The following GRID2 variants were observed in gnomAD, a reference collection of about 807,000 sequenced individuals.
GRID2 encodes the protein glutamate ionotropic receptor delta type subunit 2.
Under a neutral mutation model 114.8 loss-of-function variants are expected in GRID2, and 33 were observed. The ratio of observed to expected loss-of-function variants is 0.29; its 90% confidence interval spans 0.22 to 0.38. The LOEUF (loss-of-function observed/expected upper bound fraction) is 0.38. Among genes scored for constraint, GRID2 ranks in the 10% least tolerant of loss-of-function variants. GRID2 has a pLI of 1.00. For synonymous variants in GRID2, 505 were observed against 449.9 expected, an observed-to-expected ratio of 1.12 and a Z score of -1.55; for missense variants, 1,184 against 1,257.7, an observed-to-expected ratio of 0.94 and a Z score of 0.89.
intron 10 of GRID2, among the ~76,000 whole-genome samples, chr4:93,440,688 C>T (rs1031965044): frequency 2.6e-5 from 4 of 151,994 alleles, no homozygotes; most frequent in African/African-American, 9.6e-5. Context: ...GATTTTAACA[C>T]TAATGAAGGA....
intron 8 of GRID2, among the ~76,000 whole-genome samples, chr4:93,369,927 G>A (rs1257068293): frequency 6.6e-6 from 1 of 152,142 alleles, no homozygotes; most frequent in East Asian, 1.9e-4. Flanking sequence ...TTGAAAATGT[G>A]ATTAATTATT....
At chr4:93,145,468 TTTA>T (rs1433781447) in intron 4 of GRID2, among the ~76,000 whole-genome samples, 14 of 93,890 alleles carry the variant, frequency 1.5e-4, no homozygotes, top group East Asian at 3.1e-4. Flanking sequence ...TATTTATTTA[TTTA>T]TTTTTTTTTG....
chr4:93,392,802 A>G (rs1241385670), intron 8 of GRID2, among the ~76,000 whole-genome samples: 1 of 152,090 alleles, frequency 6.6e-6, no homozygotes, highest in Non-Finnish European at 1.5e-5. Flanking sequence ...TTATAAAACA[A>G]CACCTCAATG....
chr4:93,173,070 A>G (rs1739005440), intron 4 of GRID2, among the ~76,000 whole-genome samples: 1 of 152,132 alleles, frequency 6.6e-6, no homozygotes, highest in African/African-American at 2.4e-5. Context: ...GCTATATTGA[A>G]GAGTTAGAAG....
chr4:92,886,068 C>G (rs182960147), intron 2 of GRID2, among the ~76,000 whole-genome samples: 18 of 152,040 alleles, frequency 1.2e-4, no homozygotes, highest in Admixed American at 3.3e-4. Context: ...TGTGGACTTG[C>G]AATTGCAATT....
chr4:93,105,461 A>T, intron 3 of GRID2, among the ~76,000 whole-genome samples: 1 of 152,104 alleles, frequency 6.6e-6, no homozygotes, highest in East Asian at 1.9e-4. Context: ...TAAGTCTTTA[A>T]TCCATCTTGA....
At chr4:92,976,932 T>C (rs1048474091) in intron 2 of GRID2, among the ~76,000 whole-genome samples, 6 of 152,164 alleles carry the variant, frequency 3.9e-5, no homozygotes, top group Non-Finnish European at 8.8e-5. Context: ...ACTTTACTCA[T>C]GAAGAAACTG....
At chr4:93,608,747 T>C (rs1234022243) in intron 13 of GRID2, among the ~76,000 whole-genome samples, 1 of 137,704 alleles carries the variant, frequency 7.3e-6, no homozygotes, top group East Asian at 2.0e-4. Flanking sequence ...GTCTTTGCTA[T>C]TGTGAACAGT....
At chr4:92,403,355 T>C (rs1459695287) in intron 1 of GRID2, among the ~76,000 whole-genome samples, 1 of 152,264 alleles carries the variant, frequency 6.6e-6, no homozygotes, top group Non-Finnish European at 1.5e-5. Context: ...ATCTCAACTT[T>C]TGAAGTTCCT....
chr4:92,770,822 C>A (rs1276798276), intron 2 of GRID2, among the ~76,000 whole-genome samples: 1 of 152,160 alleles, frequency 6.6e-6, no homozygotes, highest in East Asian at 1.9e-4. Context: ...AGTTACAACT[C>A]AAGATAAGAT....
intron 2 of GRID2, among the ~76,000 whole-genome samples, chr4:92,763,486 T>C (rs147994739): frequency 1.4e-3 from 206 of 152,282 alleles, no homozygotes; most frequent in African/African-American, 4.2e-3. Flanking sequence ...ACAATACACA[T>C]TTAAAAATAT....
intron 2 of GRID2, among the ~76,000 whole-genome samples, chr4:92,623,066 C>G (rs1730349245): frequency 6.6e-6 from 1 of 151,480 alleles, no homozygotes; most frequent in South Asian, 2.1e-4. Flanking sequence ...ATATTTAAAT[C>G]AACTTTAAAT....
intron 8 of GRID2, among the ~76,000 whole-genome samples, chr4:93,341,472 G>A (rs569217934): frequency 3.1e-4 from 47 of 152,122 alleles, no homozygotes; most frequent in African/African-American, 9.4e-4. Context: ...ACAGGTGCCC[G>A]CCACCACGCC....
intron 2 of GRID2, among the ~76,000 whole-genome samples, chr4:92,730,938 A>C (rs918963133): frequency 6.6e-6 from 1 of 151,996 alleles, no homozygotes; most frequent in Non-Finnish European, 1.5e-5. Flanking sequence ...ACAAAAATAG[A>C]ATTACAGCAT....
At chr4:92,628,645 A>G (rs2149244292) in intron 2 of GRID2, among the ~76,000 whole-genome samples, 1 of 152,312 alleles carries the variant, frequency 6.6e-6, no homozygotes, top group South Asian at 2.1e-4. Context: ...GGCGTGAGCC[A>G]TAGCGCCAGG....
intron 14 of GRID2, among the ~76,000 whole-genome samples, chr4:93,649,257 G>A (rs10516933): frequency 0.18 from 27,055 of 152,028 alleles, 2,763 homozygotes; most frequent in Middle Eastern, 0.35. Flanking sequence ...TTGGCCTAAT[G>A]TCTCAAACAG....
At chr4:93,763,978 CA>C (rs1294522377) in intron 14 of GRID2, among the ~76,000 whole-genome samples, 1 of 152,116 alleles carries the variant, frequency 6.6e-6, no homozygotes, top group Non-Finnish European at 1.5e-5. Flanking sequence ...TATTTAAGGA[CA>C]AAATCAGAGT....
intron 1 of GRID2, among the ~76,000 whole-genome samples, chr4:92,463,070 CTG>C (rs1560647617): frequency 2.0e-5 from 3 of 151,942 alleles, no homozygotes; most frequent in Non-Finnish European, 4.4e-5. Flanking sequence ...ATGACTATCA[CTG>C]TGAAATGCTA....
chr4:93,699,916 G>T (rs887343465), intron 14 of GRID2, among the ~76,000 whole-genome samples: 4 of 151,966 alleles, frequency 2.6e-5, no homozygotes, highest in African/African-American at 9.7e-5. Flanking sequence ...TGACATATTT[G>T]CTCTAAACTA....
Sources: gnomAD v4.1 joint callset for allele counts (sites outside exome capture counted in the v4.1 genomes callset) on GRCh38, gnomAD v4.1.1 for gene constraint, MANE v1.5 for transcripts, NCBI Gene and HGNC (gene_info 2026-07-23, HGNC 2026-07-21) for gene names.